FSD1L: variants seen among roughly 807,000 people sequenced by gnomAD.
FSD1L encodes FSD1-like protein.
Under a neutral mutation model 71.6 loss-of-function variants are expected in FSD1L, and 45 were observed. The ratio of observed to expected loss-of-function variants is 0.63; its 90% CI spans 0.49 to 0.81. The LOEUF is 0.81. FSD1L is among the 30% of genes least tolerant of loss of function. FSD1L has a pLI of 0.00. For synonymous variants in FSD1L, 197 were observed against 207.2 expected (o/e 0.95, Z 0.42); for missense variants, 561 against 618.1 (o/e 0.91, Z 0.98).
intron 10 of FSD1L, chr9:105,523,250 G>A (rs1835296760): frequency 1.2e-6 from 2 of 1,607,394 alleles, no homozygotes; most frequent in Non-Finnish European, 1.7e-6. Flanking sequence ...TGTGCTCCAG[G>A]TCACAGACTC....
At chr9:105,486,081 G>C (rs896054289) in intron 7 of FSD1L, among the ~76,000 whole-genome samples, 13 of 150,352 alleles carry the variant, frequency 8.6e-5, no homozygotes, top group Non-Finnish European at 1.8e-4. Context: ...ACCTAGGAAG[G>C]GGGTAGCACA....
chr9:105,530,447 C>T (rs1835818767), intron 10 of FSD1L: 1 of 545,558 alleles, frequency 1.8e-6, no homozygotes, highest in African/African-American at 2.0e-5. Context: ...CTGCCAATGT[C>T]AATAGTTATG....
chr9:105,513,940 G>A (rs1834546509), intron 10 of FSD1L, among the ~76,000 whole-genome samples: 1 of 151,758 alleles, frequency 6.6e-6, no homozygotes, highest in Non-Finnish European at 1.5e-5. Flanking sequence ...CTTTCTTGTT[G>A]TACTGAATAA....
rs1428632516 is a variant in FSD1L, at chr9:105,547,803, AAG to A, written c.*1323_*1324del. On this transcript the variant is annotated 3_prime_UTR_variant, in exon 14 of 14. Transcript: ENST00000481272. Reference sequence around the variant, plus strand: ...ATTTAATAATTCTTTGGGCATTTTTAAGAGGTCTGAATTTGTATTTTTCTTCA... The same window carrying A: ...ATTTAATAATTCTTTGGGCATTTTTAAGGTCTGAATTTGTATTTTTCTTCA... 1.3e-5 allele frequency: 2 copies of A among 152,112 alleles called. No homozygotes were observed. The highest frequency in any genetic ancestry group is 4.8e-5 in the African/African-American group (2 of 41,460). 9.4% of individuals were successfully genotyped at this position (152,112 alleles called of 1,614,324 possible).
At chr9:105,472,295 A>T (rs1331683395) in intron 5 of FSD1L, 2 of 306,638 alleles carry the variant, frequency 6.5e-6, no homozygotes, top group Non-Finnish European at 1.2e-5. Context: ...TAATTGTGTA[A>T]CTTCTTATTG....
chr9:105,503,286 A>G (rs1040091189), intron 7 of FSD1L, among the ~76,000 whole-genome samples: 3 of 152,162 alleles, frequency 2.0e-5, no homozygotes, highest in African/African-American at 7.2e-5. Flanking sequence ...ATGGAATCAA[A>G]TTAACTTATA....
In FSD1L at chr9:105,520,812, A is replaced by G. The variant is rs1835098800; in HGVS notation, c.1025+7876A>G. ...CAACCTTTAAGAAACTCAAGTCACTATAGAAGAAATCACTCCTCTTGTCCC... is the reference window on the plus strand; with the variant it reads ...CAACCTTTAAGAAACTCAAGTCACTGTAGAAGAAATCACTCCTCTTGTCCC... On this transcript the variant is annotated intron_variant, in intron 10 of 13. Coordinates refer to ENST00000481272, the MANE Select transcript of FSD1L (RefSeq NM_001145313.3). The G allele has an allele frequency of 2.9e-5, 46 of 1,612,190 alleles. 1 individual carries two copies. The South Asian group carries it at 4.3e-4, about 15-fold the overall frequency.
chr9:105,464,171 C>T, intron 2 of FSD1L, 65 bp from the exon 3 acceptor site: 1 of 812,464 alleles, frequency 1.2e-6, no homozygotes. Flanking sequence ...TTAGAGAATG[C>T]TTGTTAATGA....
chr9:105,530,493 T>C (rs1835821761), intron 10 of FSD1L: 6 of 644,552 alleles, frequency 9.3e-6, no homozygotes, highest in Non-Finnish European at 1.7e-5. Context: ...CCTTTATTTC[T>C]TTACTACTGG....
upstream of FSD1L, among the ~76,000 whole-genome samples, chr9:105,446,595 T>C (rs1305896497): frequency 6.6e-6 from 1 of 152,048 alleles, no homozygotes; most frequent in Non-Finnish European, 1.5e-5. Flanking sequence ...GGTCTCGAAC[T>C]CCTGGACTCA....
intron 7 of FSD1L, among the ~76,000 whole-genome samples, chr9:105,505,300 G>T (rs921916507): frequency 9.9e-5 from 15 of 152,132 alleles, no homozygotes; most frequent in Non-Finnish European, 1.9e-4. Flanking sequence ...TCGCTCTGTT[G>T]CCCAGGCTGG....
intron 10 of FSD1L, chr9:105,524,421 T>G (rs1835376098): frequency 1.9e-6 from 3 of 1,613,560 alleles, no homozygotes; most frequent in Non-Finnish European, 1.7e-6. Flanking sequence ...GTTGGTAGTA[T>G]CTTTACTTCT....
intron 1 of FSD1L, among the ~76,000 whole-genome samples, chr9:105,460,293 G>A (rs1830605786): frequency 6.6e-6 from 1 of 152,074 alleles, no homozygotes; most frequent in African/African-American, 2.4e-5. Context: ...GAATGGTAAA[G>A]ATAAGATTAA....
intron 7 of FSD1L, among the ~76,000 whole-genome samples, chr9:105,488,819 G>GT (rs58736638): frequency 0.23 from 30,402 of 133,568 alleles, 3,587 homozygotes; most frequent in Non-Finnish European, 0.29. Context: ...TTTACATTGG[G>GT]TTTTTTTTTT....
intron 10 of FSD1L, among the ~76,000 whole-genome samples, chr9:105,519,850 C>G (rs1793769618): frequency 6.6e-6 from 1 of 152,124 alleles, no homozygotes; most frequent in Non-Finnish European, 1.5e-5. Context: ...GCGGCGGCGG[C>G]AGGCGGCCAG....
At chr9:105,543,212 A>G (rs1836742143) in intron 13 of FSD1L, among the ~76,000 whole-genome samples, 1 of 152,126 alleles carries the variant, frequency 6.6e-6, no homozygotes, top group Non-Finnish European at 1.5e-5. Flanking sequence ...TAGATATTGA[A>G]CACTTAAGGG....
At chr9:105,509,767 A>G (rs969532044) in intron 9 of FSD1L, among the ~76,000 whole-genome samples, 5 of 152,236 alleles carry the variant, frequency 3.3e-5, no homozygotes, top group African/African-American at 9.6e-5. Context: ...AGATGTTTCT[A>G]TTTGAGAACT....
At position 105,503,031 on chromosome 9, in the gene FSD1L, C is replaced by T. The variant is rs192242634; in HGVS notation, c.587-3368C>T. Among the ~76,000 whole-genome samples the T allele has an allele frequency of 7.9e-3, 1,206 of 151,730 alleles. 10 individuals carry two copies. The highest frequency in any genetic ancestry group is 0.021 in the Middle Eastern group (6 of 292). The stretch of plus-strand genomic sequence containing the variant: ...TAGCTGGGACCACACAGGCATGCAC[C>T]GCCATACCCAACTAAATTTTTCTGA... On this transcript the variant is annotated intron_variant, in intron 7 of 13. Coordinates refer to ENST00000481272, the MANE Select transcript of FSD1L (RefSeq NM_001145313.3).
rs1837020792 is a variant in FSD1L, at chr9:105,546,587, T to C, written c.*104T>C. The C allele has an allele frequency of 4.1e-6, 5 of 1,211,886 alleles. No individual in the cohort carries two copies. The South Asian group carries it at 7.1e-5, about 17-fold the overall frequency. 75.1% of individuals were successfully genotyped at this position (1,211,886 alleles called of 1,614,324 possible). On this transcript the variant is annotated 3_prime_UTR_variant, in exon 14 of 14. Transcript: ENST00000481272. Reference sequence around the variant, plus strand: ...AGTAGTGAAAATCAGGTTTGCTGTGTTCTGCTTTGAGGCCTGGAATCTTTT... The same window carrying C: ...AGTAGTGAAAATCAGGTTTGCTGTGCTCTGCTTTGAGGCCTGGAATCTTTT...
Sources: allele counts gnomAD v4.1 joint callset (sites outside exome capture counted in the v4.1 genomes callset), GRCh38; gene constraint gnomAD v4.1.1; transcripts MANE v1.5; gene names NCBI Gene and HGNC (gene_info 2026-07-23, HGNC 2026-07-21).